CLVS1: variants seen among roughly 807,000 people sequenced by gnomAD.
CLVS1 encodes clavesin 1.
Under a neutral mutation model 33.1 loss-of-function variants are expected in CLVS1, and 10 were observed. The ratio of observed to expected loss-of-function variants is 0.30; its 90% confidence interval spans 0.19 to 0.51. The LOEUF is 0.51. Among genes scored for constraint, CLVS1 ranks in the 20% least tolerant of loss-of-function variants. The pLI is 0.97. For missense variants in CLVS1, 343 were observed against 433.4 expected (o/e 0.79, Z 1.85); for synonymous variants, 163 against 166.1 (o/e 0.98, Z 0.14).
intron 2 of CLVS1, among the ~76,000 whole-genome samples, chr8:61,279,987 A>G (rs570335383): frequency 7.2e-6 from 1 of 138,128 alleles, no homozygotes; most frequent in East Asian, 2.0e-4. Context: ...CTTATTTTAA[A>G]TAAGATAAAA....
chr8:61,175,727 G>A (rs1390922630), intron 2 of CLVS1, among the ~76,000 whole-genome samples: 1 of 152,290 alleles, frequency 6.6e-6, no homozygotes. Context: ...GCTAGGAGAA[G>A]TGAGAAAGTA....
At chr8:61,118,023 G>A (rs1284006801) in intron 1 of CLVS1, among the ~76,000 whole-genome samples, 2 of 152,178 alleles carry the variant, frequency 1.3e-5, no homozygotes, top group African/African-American at 2.4e-5. Context: ...TGGTTGGTAA[G>A]CTATGGATTA....
At chr8:61,045,890 C>T in the CLVS1 span, among the ~76,000 whole-genome samples, 2 of 152,042 alleles carry the variant, frequency 1.3e-5, no homozygotes, top group East Asian at 1.9e-4. Flanking sequence ...GGATATTAGC[C>T]CTTTGTCAGA....
At chr8:60,980,603 T>C in the CLVS1 span, among the ~76,000 whole-genome samples, 1 of 152,138 alleles carries the variant, frequency 6.6e-6, no homozygotes, top group Non-Finnish European at 1.5e-5. Context: ...TTGGCCAACA[T>C]GGTGAAACCT....
chr8:61,445,430 A>T (rs976317724), intron 3 of CLVS1, among the ~76,000 whole-genome samples: 4 of 152,028 alleles, frequency 2.6e-5, no homozygotes, highest in African/African-American at 7.2e-5. Context: ...TCTGATTCTT[A>T]TAAAGAGCCT....
intron 2 of CLVS1, among the ~76,000 whole-genome samples, chr8:61,225,355 A>G (rs1563452536): frequency 6.6e-6 from 1 of 152,122 alleles, no homozygotes; most frequent in Non-Finnish European, 1.5e-5. Flanking sequence ...AAAAGAATGT[A>G]AAAGTTTCTT....
chr8:61,480,590 C>G (rs1241245851), intron 5 of CLVS1, among the ~76,000 whole-genome samples: 3 of 152,062 alleles, frequency 2.0e-5, no homozygotes. Flanking sequence ...ACCCACTGTC[C>G]TGCACCCACT....
chr8:61,211,302 CCTT>C (rs1230393918), intron 2 of CLVS1, among the ~76,000 whole-genome samples: 1 of 151,900 alleles, frequency 6.6e-6, no homozygotes, highest in Non-Finnish European at 1.5e-5. Context: ...TTTTGCTCCT[CCTT>C]CTCCCTCTTC....
chr8:60,982,242 T>C, the CLVS1 span, among the ~76,000 whole-genome samples: 1 of 152,372 alleles, frequency 6.6e-6, no homozygotes, highest in African/African-American at 2.4e-5. Context: ...GAACATTATG[T>C]TGAAACCAAG....
In CLVS1 at chr8:61,396,513, A is replaced by G. The variant is rs149840159; in HGVS notation, c.630+19734A>G. 8.6e-3 allele frequency among the ~76,000 whole-genome samples: 1,310 copies of G among 152,238 alleles called. 18 individuals are homozygous for G. Among genetic ancestry groups the G allele is most frequent in the African/African-American group, 0.029 (1,224 of 41,514 alleles). On this transcript the variant is annotated intron_variant, in intron 3 of 5. Coordinates refer to ENST00000325897, the MANE Select transcript of CLVS1 (RefSeq NM_173519.3). ...AAGTTATATTTTTAAAATTTAATTT[A>G]CTTTGTATTAAACAGCTTGAGATAT...
At chr8:61,304,401 C>T (rs2129594991) in intron 2 of CLVS1, among the ~76,000 whole-genome samples, 1 of 152,326 alleles carries the variant, frequency 6.6e-6, no homozygotes, top group African/African-American at 2.4e-5. Flanking sequence ...CATTGGACCT[C>T]AGCAGAGAGC....
chr8:61,120,614 C>G (rs1201482530), intron 1 of CLVS1, among the ~76,000 whole-genome samples: 6 of 122,388 alleles, frequency 4.9e-5, no homozygotes, highest in South Asian at 3.3e-4. Context: ...AGCTGCAGGT[C>G]TGTTGGAATA....
the CLVS1 span, among the ~76,000 whole-genome samples, chr8:61,009,394 C>T: frequency 2.0e-5 from 3 of 152,194 alleles, no homozygotes; most frequent in East Asian, 1.9e-4. Flanking sequence ...GTGATCTACT[C>T]GCCTCGGCCT....
the CLVS1 span, among the ~76,000 whole-genome samples, chr8:61,022,576 G>A: frequency 2.0e-5 from 3 of 152,334 alleles, no homozygotes; most frequent in East Asian, 5.8e-4. Flanking sequence ...CTCTATTCAT[G>A]TTATTGCTAC....
chr8:61,046,791 G>C, the CLVS1 span, among the ~76,000 whole-genome samples: 1 of 151,446 alleles, frequency 6.6e-6, no homozygotes, highest in Non-Finnish European at 1.5e-5. Flanking sequence ...CTCTCTGTTT[G>C]TCTGTTATTG....
chr8:60,982,629 T>G, the CLVS1 span, among the ~76,000 whole-genome samples: 14 of 152,128 alleles, frequency 9.2e-5, no homozygotes, highest in African/African-American at 3.4e-4. Flanking sequence ...CCCTGATACC[T>G]AATAAAGACC....
chr8:61,163,674 T>C (rs1217422915), intron 2 of CLVS1, among the ~76,000 whole-genome samples: 1 of 152,134 alleles, frequency 6.6e-6, no homozygotes, highest in Non-Finnish European at 1.5e-5. Context: ...TATAGCTCTG[T>C]CAGAAGCCGT....
chr8:60,966,874 G>A, the CLVS1 span, among the ~76,000 whole-genome samples: 1 of 152,152 alleles, frequency 6.6e-6, no homozygotes, highest in African/African-American at 2.4e-5. Context: ...AGAGAGGAAG[G>A]AGACATGCCA....
chr8:61,137,428 T>C (rs1806210797), intron 2 of CLVS1, among the ~76,000 whole-genome samples: 2 of 152,192 alleles, frequency 1.3e-5, no homozygotes, highest in South Asian at 4.1e-4. Flanking sequence ...GCACCTGTTT[T>C]TCCATTTAGA....
Sources: allele counts gnomAD v4.1 joint callset (sites outside exome capture counted in the v4.1 genomes callset), GRCh38; gene constraint gnomAD v4.1.1; transcripts MANE v1.5; gene names NCBI Gene and HGNC (gene_info 2026-07-23, HGNC 2026-07-21).